Variants in AVEN observed in about 807,000 individuals in gnomAD.
The protein encoded by AVEN is apoptosis and caspase activation inhibitor.
A neutral mutation model predicts 38.1 loss-of-function variants in AVEN; 41 were observed. The ratio of observed to expected loss-of-function variants is 1.08; its 90% CI spans 0.84 to 1.40. AVEN has a LOEUF of 1.40. AVEN is among the 40% of genes most tolerant of loss of function. The probability of loss-of-function intolerance (pLI) is 0.00; values close to 1 mark genes in which losing one functional copy is unlikely to be tolerated. For missense variants in AVEN, 605 were observed against 438.8 expected (o/e 1.38, Z -3.38); for synonymous variants, 206 against 171.8 (o/e 1.20, Z -1.56).
rs796739682 is a variant in AVEN, at chr15:33,983,158, G to A, written c.445+19874C>T. Among the ~76,000 whole-genome samples, 272 of 136,310 alleles carry A rather than the reference G, an allele frequency of 2.0e-3. 1 individual carries two copies. The highest frequency in any genetic ancestry group is 6.2e-3 in the East Asian group (28 of 4,522). 89.4% of individuals were successfully genotyped at this position (136,310 alleles called of 152,430 possible). A position where few individuals can be genotyped will look rare whatever the true frequency, so the allele number is the denominator to read the frequency against. Reference sequence around the variant, plus strand: ...TGTGTGTGTGTGTGTGTGTGTGTGTGTATGTGTGTGTGTATATATACACAC... The same window carrying A: ...TGTGTGTGTGTGTGTGTGTGTGTGTATATGTGTGTGTGTATATATACACAC... On this transcript the variant is annotated intron_variant, in intron 2 of 5. Transcript: ENST00000306730.
chr15:33,943,013 G>A (rs915272035), intron 2 of AVEN, among the ~76,000 whole-genome samples: 5 of 152,192 alleles, frequency 3.3e-5, no homozygotes, highest in Admixed American at 3.3e-4. Context: ...TGTTACTGGG[G>A]CTGTAAAATG....
rs1891439385 is a variant in AVEN at position 33,880,499 on chromosome 15, T to C, written c.446-4504A>G. On this transcript the variant is annotated intron_variant, in intron 2 of 5. Coordinates refer to ENST00000306730, the MANE Select transcript of AVEN (RefSeq NM_020371.3). ...ACCAAGGCTTTCAGGCGGGACCCCCTGATGACTGCATCCTGTAAGTTAGGA... is the reference window on the plus strand; with the variant it reads ...ACCAAGGCTTTCAGGCGGGACCCCCCGATGACTGCATCCTGTAAGTTAGGA... 2.0e-5 allele frequency among the ~76,000 whole-genome samples: 3 copies of C among 152,308 alleles called. No individual in the cohort carries two copies. In the South Asian group the frequency reaches 6.2e-4, roughly 32 times the overall value.
chr15:34,018,115 A>T (rs1194330984), intron 1 of AVEN: 3 of 152,234 alleles, frequency 2.0e-5, no homozygotes, highest in African/African-American at 4.8e-5. Context: ...CTTACTTCTT[A>T]AAAAAGCTAA....
In AVEN at chr15:34,015,340, A is replaced by G. The variant is rs540336580; in HGVS notation, c.268-12131T>C. On this transcript the variant is annotated intron_variant, in intron 1 of 5. Coordinates refer to ENST00000306730, the MANE Select transcript of AVEN (RefSeq NM_020371.3). ...CTACTAAAAATACAAAAAATTAGCC[A>G]GGTGCGGTGGCGGGCACCTGTAGTC... Among the ~76,000 whole-genome samples, 899 of 152,138 alleles carry G rather than the reference A, an allele frequency of 5.9e-3. 4 individuals carry two copies. The highest frequency in any genetic ancestry group is 8.4e-3 in the Admixed American group (128 of 15,280).
At chr15:33,878,830 T>C (rs1891361036) in intron 2 of AVEN, among the ~76,000 whole-genome samples, 1 of 152,150 alleles carries the variant, frequency 6.6e-6, no homozygotes, top group Admixed American at 6.5e-5. Flanking sequence ...ATTGCTAATA[T>C]ATATGAAGTA....
chr15:33,956,348 T>C (rs1894953070), intron 2 of AVEN, among the ~76,000 whole-genome samples: 1 of 152,242 alleles, frequency 6.6e-6, no homozygotes, highest in African/African-American at 2.4e-5. Context: ...CTCTTGCCAG[T>C]GCAAAGTCTA....
intron 3 of AVEN, among the ~76,000 whole-genome samples, chr15:33,871,584 G>T (rs1003728248): frequency 2.6e-5 from 4 of 151,902 alleles, no homozygotes; most frequent in African/African-American, 9.7e-5. Context: ...AAAAAAGACT[G>T]TCCAGTAACC....
chr15:34,019,964 T>C (rs956678577), intron 1 of AVEN, among the ~76,000 whole-genome samples: 1 of 152,232 alleles, frequency 6.6e-6, no homozygotes, highest in Admixed American at 6.5e-5. Flanking sequence ...TTTTAATGCA[T>C]ACAACAAGTT....
At chr15:33,903,477 T>C (rs1402944049) in intron 2 of AVEN, among the ~76,000 whole-genome samples, 1 of 152,238 alleles carries the variant, frequency 6.6e-6, no homozygotes, top group Non-Finnish European at 1.5e-5. Context: ...TGCTTAAATT[T>C]GCCTAAGTCA....
chr15:33,976,523 T>C (rs906852280), intron 2 of AVEN, among the ~76,000 whole-genome samples: 43 of 152,242 alleles, frequency 2.8e-4, no homozygotes, highest in Admixed American at 2.0e-3. Flanking sequence ...TCTCCATAAA[T>C]GGATCTGGGA....
intron 2 of AVEN, among the ~76,000 whole-genome samples, chr15:34,068,812 A>AATT (rs1555521752): frequency 4.0e-5 from 1 of 24,726 alleles, no homozygotes; most frequent in African/African-American, 1.4e-4. Flanking sequence ...CCTACAATCC[A>AATT]ATTTTTTTTT....
chr15:34,050,728 A>G (rs1899899995), intron 5 of AVEN, among the ~76,000 whole-genome samples: 1 of 152,214 alleles, frequency 6.6e-6, no homozygotes, highest in South Asian at 2.1e-4. Flanking sequence ...CAGACTTTAA[A>G]CCAATAAGAT....
intron 2 of AVEN, among the ~76,000 whole-genome samples, chr15:33,876,435 G>GCCTATAATAGTA (rs71117188): frequency 0.35 from 52,541 of 151,750 alleles, 10,992 homozygotes; most frequent in Non-Finnish European, 0.48. Flanking sequence ...AGCTGGGCGT[G>GCCTATAATAGTA]GTGGCACGTG....
At chr15:33,937,272 C>T (rs1359216734) in intron 2 of AVEN, among the ~76,000 whole-genome samples, 1 of 151,820 alleles carries the variant, frequency 6.6e-6, no homozygotes, top group South Asian at 2.1e-4. Flanking sequence ...CGGTGGCTCA[C>T]GCCTGTAATC....
chr15:33,892,159 T>C (rs1198109380), intron 2 of AVEN, among the ~76,000 whole-genome samples: 1 of 152,206 alleles, frequency 6.6e-6, no homozygotes, highest in Non-Finnish European at 1.5e-5. Flanking sequence ...GCAAAAATTT[T>C]CTCCGATTCT....
At chr15:33,978,093 G>A (rs1025493269) in intron 2 of AVEN, among the ~76,000 whole-genome samples, 2 of 152,072 alleles carry the variant, frequency 1.3e-5, no homozygotes, top group East Asian at 1.9e-4. Context: ...AAGTCACTAT[G>A]TCTATATAAA....
intron 2 of AVEN, among the ~76,000 whole-genome samples, chr15:33,979,429 A>G (rs1311969487): frequency 6.6e-6 from 1 of 152,124 alleles, no homozygotes; most frequent in Non-Finnish European, 1.5e-5. Context: ...GGATCACATG[A>G]GCCCAGGAGG....
rs577415936 is a variant in AVEN at position 34,056,548 on chromosome 15, A to G, written n.1637+6374T>C. Among the ~76,000 whole-genome samples, 360 of 152,328 alleles carry G rather than the reference A, an allele frequency of 2.4e-3. 2 individuals are homozygous for G. Among genetic ancestry groups the G allele is most frequent in the African/African-American group, 8.1e-3 (335 of 41,570 alleles). On this transcript the variant is annotated intron_variant and non_coding_transcript_variant, in intron 5 of 11. Coordinates refer to the AVEN transcript ENST00000675287. ...TTCTGAATCTTTGAGAGCTCTACAT[A>G]CTACATGGTATTTTCTCAATTTATC...
chr15:34,057,303 A>ATTT (rs59628367), intron 5 of AVEN, among the ~76,000 whole-genome samples: 91,113 of 147,080 alleles, frequency 0.62, 30,102 homozygotes, highest in South Asian at 0.77. Flanking sequence ...CGCCCAGCTA[A>ATTT]TTTTTTTTTT....
Sources: allele counts gnomAD v4.1 joint callset (sites outside exome capture counted in the v4.1 genomes callset), GRCh38; gene constraint gnomAD v4.1.1; transcripts MANE v1.5; gene names NCBI Gene and HGNC (gene_info 2026-07-23, HGNC 2026-07-21).